FOCAD: variants seen among roughly 807,000 people sequenced by gnomAD.
FOCAD encodes the protein focadhesin.
A neutral mutation model predicts 225.6 loss-of-function variants in FOCAD; 198 were observed. That is an observed-to-expected ratio of 0.88 (90% CI 0.78 to 0.99). The LOEUF is 0.99. Among genes scored for constraint, FOCAD ranks in the 50% least tolerant of loss-of-function variants. The pLI is 0.00. For synonymous variants in FOCAD, 897 were observed against 755.0 expected (o/e 1.19, Z -3.08); for missense variants, 2,713 against 2,123.6 (o/e 1.28, Z -5.46).
chr9:20,714,799 C>A (rs1430080210), intron 1 of FOCAD, among the ~76,000 whole-genome samples: 1 of 152,016 alleles, frequency 6.6e-6, no homozygotes, highest in Non-Finnish European at 1.5e-5. Context: ...TTTGCTTGTT[C>A]CTCCTTTAGG....
At chr9:20,948,197 G>C in intron 30 of FOCAD, 74 bp from the exon 31 acceptor site, 1 of 1,327,888 alleles carries the variant, frequency 7.5e-7, no homozygotes, top group Non-Finnish European at 1.0e-6. Flanking sequence ...TGTTTATGTT[G>C]CTATTTATAA....
intron 28 of FOCAD, among the ~76,000 whole-genome samples, chr9:20,940,155 A>G (rs951788732): frequency 1.3e-5 from 2 of 152,220 alleles, no homozygotes; most frequent in Middle Eastern, 3.4e-3. Flanking sequence ...TTAGAGCCCA[A>G]TTAAAAGCTC....
At chr9:20,795,964 C>T (rs895589342) in intron 11 of FOCAD, among the ~76,000 whole-genome samples, 5 of 151,726 alleles carry the variant, frequency 3.3e-5, no homozygotes, top group African/African-American at 9.7e-5. Flanking sequence ...TCCCTCCCCC[C>T]TGCCCCCACC....
chr9:20,945,156 G>T (rs1311795810), intron 29 of FOCAD, among the ~76,000 whole-genome samples: 1 of 152,170 alleles, frequency 6.6e-6, no homozygotes, highest in South Asian at 2.1e-4. Context: ...TGATCAAAAG[G>T]CGTTTGATTT....
intron 7 of FOCAD, among the ~76,000 whole-genome samples, chr9:20,767,330 G>T (rs1830133658): frequency 6.9e-6 from 1 of 144,454 alleles, no homozygotes; most frequent in African/African-American, 2.6e-5. Context: ...AGTCCTTTGG[G>T]TATATACCCA....
rs149610826 is a variant in FOCAD, at chr9:20,970,451, G to A, written c.4133-5969G>A. Among the ~76,000 whole-genome samples the A allele has an allele frequency of 9.6e-3, 1,461 of 152,098 alleles. 9 individuals are homozygous for A. Among genetic ancestry groups the A allele is most frequent in the Non-Finnish European group, 0.014 (934 of 67,978 alleles). ...TGAGTTGATTCTTTTGCCTGCTCAA[G>A]TCTGCTATTTAATCCCTCTAGTGAG... On this transcript the variant is annotated intron_variant, in intron 35 of 43. Coordinates refer to ENST00000338382, the MANE Select transcript of FOCAD (RefSeq NM_001375567.1).
At chr9:20,674,538 G>T (rs1168761863) in intron 2 of FOCAD, among the ~76,000 whole-genome samples, 1 of 152,182 alleles carries the variant, frequency 6.6e-6, no homozygotes, top group Non-Finnish European at 1.5e-5. Context: ...AAGCAGAAGA[G>T]AATTTTTTAA....
At chr9:20,787,453 C>T (rs988916772) in intron 10 of FOCAD, among the ~76,000 whole-genome samples, 6 of 152,058 alleles carry the variant, frequency 3.9e-5, no homozygotes, top group Non-Finnish European at 8.8e-5. Context: ...ATCCTGAAGT[C>T]CTGGCCCTTT....
At chr9:20,776,815 A>T (rs1191199172) in intron 8 of FOCAD, among the ~76,000 whole-genome samples, 2 of 152,162 alleles carry the variant, frequency 1.3e-5, no homozygotes, top group Non-Finnish European at 2.9e-5. Flanking sequence ...AATCTAGTAA[A>T]TCTGAGGTTT....
intron 21 of FOCAD, among the ~76,000 whole-genome samples, chr9:20,893,551 T>C (rs1831814409): frequency 1.3e-5 from 2 of 152,100 alleles, no homozygotes; most frequent in Non-Finnish European, 2.9e-5. Flanking sequence ...TTTCTATTAA[T>C]AACAGCCCCT....
intron 4 of FOCAD, among the ~76,000 whole-genome samples, chr9:20,739,249 C>G (rs1437426574): frequency 6.6e-6 from 1 of 152,152 alleles, no homozygotes; most frequent in African/African-American, 2.4e-5. Context: ...AATGCAAGAA[C>G]TTAGAAAAGT....
chr9:20,741,946 T>C (rs1222252388), intron 5 of FOCAD, among the ~76,000 whole-genome samples: 1 of 152,198 alleles, frequency 6.6e-6, no homozygotes, highest in Non-Finnish European at 1.5e-5. Context: ...AATTGAAATT[T>C]TTATGTAACA....
At chr9:20,800,552 C>T (rs1224071491) in intron 11 of FOCAD, among the ~76,000 whole-genome samples, 1 of 152,006 alleles carries the variant, frequency 6.6e-6, no homozygotes, top group Non-Finnish European at 1.5e-5. Flanking sequence ...TGTTTCTTTT[C>T]ACTCTTTTTT....
At chr9:20,765,929 A>G (rs1016848241) in intron 7 of FOCAD, among the ~76,000 whole-genome samples, 3 of 152,232 alleles carry the variant, frequency 2.0e-5, no homozygotes, top group African/African-American at 7.2e-5. Context: ...AGTTTGTGTT[A>G]GCAGGGAGTG....
chr9:20,816,450 G>C (rs929642073), intron 11 of FOCAD, among the ~76,000 whole-genome samples: 2 of 152,090 alleles, frequency 1.3e-5, no homozygotes, highest in Non-Finnish European at 2.9e-5. Flanking sequence ...TAGAATTCCT[G>C]TTCCAATCAA....
At chr9:20,713,098 A>G (rs566554841) in intron 1 of FOCAD, among the ~76,000 whole-genome samples, 9 of 152,244 alleles carry the variant, frequency 5.9e-5, no homozygotes, top group East Asian at 1.9e-4. Context: ...ATATATCCAG[A>G]ATGTGACCAC....
chr9:20,760,809 T>C (rs1829523630), intron 6 of FOCAD, among the ~76,000 whole-genome samples: 1 of 152,182 alleles, frequency 6.6e-6, no homozygotes, highest in Non-Finnish European at 1.5e-5. Flanking sequence ...AGGTGCTTTA[T>C]AAATGTTGAA....
chr9:20,831,146 G>A (rs1203823449), intron 15 of FOCAD, among the ~76,000 whole-genome samples: 3 of 151,972 alleles, frequency 2.0e-5, no homozygotes, highest in African/African-American at 7.2e-5. Context: ...TGGGTTTGTG[G>A]TTTAAGTATA....
intron 1 of FOCAD, among the ~76,000 whole-genome samples, chr9:20,692,359 C>T (rs1176123610): frequency 1.3e-5 from 2 of 152,018 alleles, no homozygotes; most frequent in African/African-American, 4.8e-5. Flanking sequence ...TTGGCTATAC[C>T]TTCACAATGT....
Sources: allele counts gnomAD v4.1 joint callset (sites outside exome capture counted in the v4.1 genomes callset), GRCh38; gene constraint gnomAD v4.1.1; transcripts MANE v1.5; gene names NCBI Gene and HGNC (gene_info 2026-07-23, HGNC 2026-07-21).